The following NSMAF variants were observed in gnomAD, a reference collection of about 807,000 sequenced individuals.
NSMAF encodes the protein protein FAN.
Under a neutral mutation model 134.9 loss-of-function variants are expected in NSMAF, and 90 were observed. The observed-to-expected ratio is 0.67, with a 90% CI of 0.56 to 0.79. The LOEUF (loss-of-function observed/expected upper bound fraction) is 0.79, where lower values mean the gene tolerates loss of function less well. Among genes scored for constraint, NSMAF ranks in the 30% least tolerant of loss-of-function variants. The pLI is 0.00. For missense variants in NSMAF, 1,010 were observed against 1,119.0 expected (o/e 0.90, Z 1.39); for synonymous variants, 358 against 389.6 (o/e 0.92, Z 0.96).
In NSMAF at chr8:58,614,653, G is replaced by A. The variant is rs141635262; in HGVS notation, c.558-4920C>T. Among the ~76,000 whole-genome samples, 778 of 152,298 alleles carry A rather than the reference G, an allele frequency of 5.1e-3. 8 individuals are homozygous for A. Among genetic ancestry groups the A allele is most frequent in the African/African-American group, 0.018 (731 of 41,562 alleles). On this transcript the variant is annotated intron_variant, in intron 9 of 30. Coordinates refer to ENST00000038176, the MANE Select transcript of NSMAF (RefSeq NM_003580.4). ...AGCTGGCCCACCCCTTTGGAGAAGT[G>A]TGTATAAAAGTCAAGTGCTGTCTTT...
rs753589638 is a variant in NSMAF, at chr8:58,595,556, T to G, written c.1892+4A>C. On this transcript the variant is annotated splice_donor_region_variant and intron_variant, in intron 22 of 30. Coordinates refer to ENST00000038176, the MANE Select transcript of NSMAF (RefSeq NM_003580.4). Reference sequence around the variant, plus strand: ...CTGCTGAGAAGAAGCAGAGATATTCTTACTCTTTGTGGATTTTATAGTGCT... The same window carrying G: ...CTGCTGAGAAGAAGCAGAGATATTCGTACTCTTTGTGGATTTTATAGTGCT... 3 of 1,599,586 alleles carry G rather than the reference T, an allele frequency of 1.9e-6. No homozygotes were observed. The highest frequency in any genetic ancestry group is 2.6e-6 in the Non-Finnish European group (3 of 1,166,874).
intron 2 of NSMAF, among the ~76,000 whole-genome samples, chr8:58,639,464 C>T (rs1807280493): frequency 6.6e-6 from 1 of 152,094 alleles, no homozygotes; most frequent in South Asian, 2.1e-4. Flanking sequence ...CAGTTGTTGG[C>T]AAGAGCGTGG....
Position 58,597,421 on chromosome 8 carries a change from G to T in NSMAF, c.1758C>A (p.Thr586=), listed in dbSNP as rs747526240. 1 of 1,614,106 alleles carries T rather than the reference G, an allele frequency of 6.2e-7. No individual in the cohort carries two copies. The highest frequency in any genetic ancestry group is 1.1e-5 in the South Asian group (1 of 91,084). Residue 586 remains threonine, a synonymous_variant, in exon 21 of 31, where the codon ACC becomes ACA. Transcript: ENST00000038176. ...CTGCCATAGAAGCATTATAACTGGA[G>T]GTCTGGGACAAACTTTTAAACTTTG... ...ITPKFKSLSQ[T]SSYNASMADS...
chr8:58,592,424 A>T (rs1024898531), intron 23 of NSMAF, among the ~76,000 whole-genome samples: 1 of 152,220 alleles, frequency 6.6e-6, no homozygotes, highest in East Asian at 1.9e-4. Context: ...AGCTAAGCTC[A>T]TAAGTGGTGG....
At chr8:58,588,793 C>T (rs1805955156) in intron 26 of NSMAF, 1 of 992,926 alleles carries the variant, frequency 1.0e-6, no homozygotes, top group Admixed American at 1.7e-5. Flanking sequence ...AGAGAGCTAA[C>T]TTGACATTTT....
rs1051725706 is a variant in NSMAF, at chr8:58,609,696, T to G, written c.595A>C (p.Lys199Gln). ...ACCAGAGGCGTCACCATTTCTGCTT[T>G]GCATTCCATGTGCAGCTTTTCAGAA... is the stretch of plus-strand genomic sequence containing the variant. ...NISEKLHMEC[K>Q]AEMVTPLVTN... Residue 199 changes from lysine to glutamine, a missense_variant, in exon 10 of 31, where the codon AAA (lysine) becomes CAA (glutamine). Lys to Gln is a moderately conservative substitution (Grantham distance 53, BLOSUM62 1). Transcript: ENST00000038176. The G allele has an allele frequency of 2.5e-6, 4 of 1,614,212 alleles. No homozygotes were observed. The highest frequency in any genetic ancestry group is 1.7e-5 in the Admixed American group (1 of 60,032).
intron 5 of NSMAF, 53 bp downstream of exon 5, chr8:58,635,136 C>T: frequency 7.7e-7 from 1 of 1,296,202 alleles, no homozygotes; most frequent in Non-Finnish European, 1.1e-6. Context: ...CATTCATGCA[C>T]ATATATAAGA....
At chr8:58,651,535 G>A (rs867232343) in intron 1 of NSMAF, among the ~76,000 whole-genome samples, 1 of 152,198 alleles carries the variant, frequency 6.6e-6, no homozygotes, top group African/African-American at 2.4e-5. Flanking sequence ...CATAAAGCCA[G>A]TCAATTCTAT....
chr8:58,649,023 A>G (rs373567129), intron 1 of NSMAF, among the ~76,000 whole-genome samples: 11 of 152,340 alleles, frequency 7.2e-5, no homozygotes, highest in African/African-American at 2.6e-4. Flanking sequence ...GCAACTTGCA[A>G]CCTCAGCATG....
chr8:58,597,520 C>T lies in NSMAF; in HGVS notation c.1659G>A (p.Met553Ile), dbSNP rs1376220086. 1 of 1,614,184 alleles carries T rather than the reference C, an allele frequency of 6.2e-7. No individual in the cohort carries two copies. ...SIQDPDEKVAMLTQILEFGQT... is the reference protein window; with the variant it reads ...SIQDPDEKVAILTQILEFGQT... Reference sequence around the variant, plus strand: ...GCCCAAATTCCAAGATTTGCGTAAGCATGGCTACCTTCTCATCAGGATCCT... The same window carrying T: ...GCCCAAATTCCAAGATTTGCGTAAGTATGGCTACCTTCTCATCAGGATCCT... The change falls in exon 21 of 31, where the codon ATG becomes ATA. Residue 553 changes from methionine to isoleucine, a missense_variant. Met to Ile is a conservative substitution (Grantham distance 10). Transcript: ENST00000038176.
chr8:58,591,481 C>CTTTTTTTT (rs1018380152), intron 23 of NSMAF, among the ~76,000 whole-genome samples: 3 of 94,494 alleles, frequency 3.2e-5, no homozygotes, highest in African/African-American at 1.5e-4. Context: ...AGAAACCTTC[C>CTTTTTTTT]TTTTTTTTTT....
chr8:58,592,711 A>T (rs1207286174), intron 23 of NSMAF, among the ~76,000 whole-genome samples: 3 of 152,100 alleles, frequency 2.0e-5, no homozygotes, highest in African/African-American at 4.8e-5. Flanking sequence ...AACATGGTAA[A>T]ACCCCATCTC....
At chr8:58,605,773 G>C (rs1019906167) in intron 12 of NSMAF, among the ~76,000 whole-genome samples, 154 bp downstream of exon 12, 4 of 151,644 alleles carry the variant, frequency 2.6e-5, no homozygotes, top group African/African-American at 9.7e-5. Context: ...CCAGCTACTC[G>C]GGAGGCTGAG....
Position 58,603,361 on chromosome 8 carries a change from A to G in NSMAF, c.894T>C (p.Ala298=), listed in dbSNP as rs746016123. 39 of 1,614,004 alleles carry G rather than the reference A, an allele frequency of 2.4e-5. No individual in the cohort carries two copies. Among genetic ancestry groups the G allele is most frequent in the Non-Finnish European group, 3.2e-5 (38 of 1,180,022 alleles). ...GCTGCCACTGCAGCATGTAGCTCTC[A>G]GCAGTGTGCTCCGCCACATGGTGCT... ...YLEHHVAEHT[A]ESYMLQWQRG... The change falls in exon 13 of 31, where the codon GCT becomes GCC. Residue 298 remains alanine (A), a synonymous_variant. Coordinates refer to ENST00000038176, the MANE Select transcript of NSMAF (RefSeq NM_003580.4).
chr8:58,633,710 A>G (rs1563539891), intron 5 of NSMAF, among the ~76,000 whole-genome samples: 1 of 152,198 alleles, frequency 6.6e-6, no homozygotes, highest in Non-Finnish European at 1.5e-5. Flanking sequence ...CAACAAAAAA[A>G]TTGGAAGCAA....
intron 12 of NSMAF, among the ~76,000 whole-genome samples, chr8:58,603,839 T>G (rs1018811127): frequency 5.9e-5 from 9 of 152,188 alleles, no homozygotes; most frequent in African/African-American, 2.2e-4. Context: ...GATGTACTAC[T>G]GCTAATTTGT....
In NSMAF at chr8:58,659,620, G is replaced by A. The variant is rs762626845; in HGVS notation, c.12C>T (p.Ile4=). Residue 4 remains isoleucine (I), a synonymous_variant, in exon 1 of 31, where the codon ATC becomes ATT. Transcript: ENST00000038176. The stretch of plus-strand genomic sequence containing the variant: ...GCTGCTGCTCCTGCTGCTTCTTCCG[G>A]ATAAACGCCATGGAGGGTAGGCGCG... MAF[I]RKKQQEQQLQ... 2.0e-6 allele frequency: 3 copies of A among 1,481,356 alleles called. No homozygotes were observed. The highest frequency in any genetic ancestry group is 5.1e-5 in the Admixed American group (2 of 39,232). 91.8% of individuals were successfully genotyped at this position (1,481,356 alleles called of 1,614,324 possible). A position where few individuals can be genotyped will look rare whatever the true frequency, so the allele number is the denominator to read the frequency against.
Position 58,583,939 on chromosome 8 carries a change from A to T in NSMAF, c.*167T>A. ...ATCTGCCCTAAGAGAATAGCAACTA[A>T]TGGCTTTCAATGAAGTCACCATGAT... On this transcript the variant is annotated 3_prime_UTR_variant, in exon 31 of 31. Coordinates refer to ENST00000038176, the MANE Select transcript of NSMAF (RefSeq NM_003580.4). 2 of 627,632 alleles carry T rather than the reference A, an allele frequency of 3.2e-6. No individual in the cohort carries two copies. The highest frequency in any genetic ancestry group is 3.7e-5 in the South Asian group (2 of 54,062). 38.9% of individuals were successfully genotyped at this position (627,632 alleles called of 1,614,324 possible).
chr8:58,653,992 G>T (rs1585769253), intron 1 of NSMAF, among the ~76,000 whole-genome samples: 1 of 152,086 alleles, frequency 6.6e-6, no homozygotes, highest in East Asian at 1.9e-4. Context: ...AATTAACCAA[G>T]AAATTTGCAA....
Sources: allele counts gnomAD v4.1 joint callset (sites outside exome capture counted in the v4.1 genomes callset), GRCh38; gene constraint gnomAD v4.1.1; transcripts MANE v1.5; gene names NCBI Gene and HGNC (gene_info 2026-07-23, HGNC 2026-07-21).